The following SYT1 variants were observed in gnomAD, a reference collection of about 807,000 sequenced individuals.
SYT1 encodes synaptotagmin-1.
In SYT1, 8 loss-of-function variants were observed where a neutral mutation model predicts 44.8. The observed-to-expected ratio is 0.18, with a 90% CI of 0.10 to 0.32. The LOEUF (loss-of-function observed/expected upper bound fraction) is 0.32. Among genes scored for constraint, SYT1 ranks in the 10% least tolerant of loss-of-function variants. The pLI, the probability that SYT1 is intolerant of heterozygous loss-of-function variation, is 1.00. For missense variants in SYT1, 286 were observed against 509.3 expected (o/e 0.56, Z 4.22); for synonymous variants, 154 against 188.8 (o/e 0.82, Z 1.51).
At chr12:78,925,761 C>T (rs2137179715) in intron 1 of SYT1, among the ~76,000 whole-genome samples, 1 of 152,012 alleles carries the variant, frequency 6.6e-6, no homozygotes, top group South Asian at 2.1e-4. Flanking sequence ...TTTCTATGTT[C>T]AATTACACAC....
At chr12:79,227,098 G>A (rs1365759980) in intron 4 of SYT1, among the ~76,000 whole-genome samples, 1 of 152,164 alleles carries the variant, frequency 6.6e-6, no homozygotes, top group Non-Finnish European at 1.5e-5. Flanking sequence ...CTTGTAAGAA[G>A]AGGGGTGTCA....
intron 3 of SYT1, among the ~76,000 whole-genome samples, chr12:79,096,631 C>T (rs1472856055): frequency 6.6e-6 from 1 of 151,788 alleles, no homozygotes; most frequent in Non-Finnish European, 1.5e-5. Flanking sequence ...GTGAAATAAG[C>T]AGTATGTTAA....
chr12:79,269,758 C>T (rs1190908281), intron 4 of SYT1, among the ~76,000 whole-genome samples: 5 of 152,024 alleles, frequency 3.3e-5, no homozygotes, highest in Non-Finnish European at 7.4e-5. Flanking sequence ...GAGTCCACAA[C>T]TTTTATCATA....
chr12:79,432,323 A>G (rs1442960055), intron 9 of SYT1, among the ~76,000 whole-genome samples: 1 of 151,622 alleles, frequency 6.6e-6, no homozygotes, highest in Non-Finnish European at 1.5e-5. Flanking sequence ...TTAACTCGTC[A>G]TTTACATTAG....
intron 2 of SYT1, among the ~76,000 whole-genome samples, chr12:79,037,759 T>C (rs565880379): frequency 6.6e-6 from 1 of 151,958 alleles, no homozygotes; most frequent in East Asian, 1.9e-4. Flanking sequence ...CTTCTAGTGG[T>C]TACCTGTAAC....
chr12:79,076,851 C>T lies in SYT1; in HGVS notation c.-18+29489C>T, dbSNP rs117306987. On this transcript the variant is annotated intron_variant, in intron 3 of 10. Coordinates refer to ENST00000261205, the MANE Select transcript of SYT1 (RefSeq NM_005639.3). ...GGGCATGGTGGCACGCATCTATAGT[C>T]CCAGCTATGCGAGAGGCTGAGGCAG... Among the ~76,000 whole-genome samples the T allele has an allele frequency of 9.5e-3, 1,443 of 152,270 alleles. 10 individuals are homozygous for T. Among genetic ancestry groups the T allele is most frequent in the Non-Finnish European group, 0.015 (991 of 68,020 alleles).
chr12:79,216,569 G>A (rs1874818646), intron 3 of SYT1, among the ~76,000 whole-genome samples: 1 of 152,126 alleles, frequency 6.6e-6, no homozygotes, highest in Admixed American at 6.5e-5. Context: ...TATTTCAGAA[G>A]GTGGATAAAT....
intron 2 of SYT1, among the ~76,000 whole-genome samples, chr12:79,026,667 T>TTATTTA (rs1555190336): frequency 8.3e-4 from 85 of 102,260 alleles, no homozygotes; most frequent in African/African-American, 3.0e-3. Flanking sequence ...CATATATATT[T>TTATTTA]TATATATATA....
intron 8 of SYT1, among the ~76,000 whole-genome samples, chr12:79,301,072 C>G (rs1020554698): frequency 6.6e-6 from 1 of 151,344 alleles, no homozygotes; most frequent in Non-Finnish European, 1.5e-5. Flanking sequence ...GTTTCATTGA[C>G]TTTTTTGTTG....
At chr12:79,072,076 C>CAT (rs1417878021) in intron 3 of SYT1, among the ~76,000 whole-genome samples, 8 of 151,906 alleles carry the variant, frequency 5.3e-5, no homozygotes, top group Non-Finnish European at 1.2e-4. Flanking sequence ...TATATATAGG[C>CAT]ATATATATAC....
chr12:78,901,691 G>A (rs1172444490), intron 1 of SYT1, among the ~76,000 whole-genome samples: 1 of 152,090 alleles, frequency 6.6e-6, no homozygotes, highest in Non-Finnish European at 1.5e-5. Context: ...TTGGCAAAAT[G>A]GTGATCATAG....
At chr12:79,195,575 G>C (rs1873403629) in intron 3 of SYT1, among the ~76,000 whole-genome samples, 1 of 150,806 alleles carries the variant, frequency 6.6e-6, no homozygotes, top group Non-Finnish European at 1.5e-5. Flanking sequence ...GAATACCGAA[G>C]TTCAGAAACA....
intron 2 of SYT1, among the ~76,000 whole-genome samples, chr12:79,044,474 C>A (rs1182038359): frequency 6.7e-6 from 1 of 148,962 alleles, no homozygotes; most frequent in Non-Finnish European, 1.5e-5. Flanking sequence ...GTTTTCAGCT[C>A]CATCAGCTCC....
chr12:79,018,757 T>C (rs1871979899), intron 2 of SYT1, among the ~76,000 whole-genome samples: 1 of 152,016 alleles, frequency 6.6e-6, no homozygotes, highest in South Asian at 2.1e-4. Context: ...GCATAAAGAC[T>C]GGGTTCTTTG....
chr12:78,908,401 G>A (rs1194171685), intron 1 of SYT1, among the ~76,000 whole-genome samples: 1 of 151,010 alleles, frequency 6.6e-6, no homozygotes, highest in African/African-American at 2.4e-5. Flanking sequence ...TACTGGTTAT[G>A]TTATTTCTAA....
chr12:79,094,408 A>G, intron 3 of SYT1, among the ~76,000 whole-genome samples: 1 of 151,928 alleles, frequency 6.6e-6, no homozygotes, highest in Non-Finnish European at 1.5e-5. Context: ...ATAAGAACAA[A>G]TTTTTCTTTA....
At chr12:79,309,413 CT>C (rs1250691059) in intron 8 of SYT1, among the ~76,000 whole-genome samples, 1 of 150,140 alleles carries the variant, frequency 6.7e-6, no homozygotes, top group Non-Finnish European at 1.5e-5. Flanking sequence ...CTGATGATCT[CT>C]TTGAGGCCAG....
chr12:79,130,178 T>G (rs181952616), intron 3 of SYT1, among the ~76,000 whole-genome samples: 1 of 152,170 alleles, frequency 6.6e-6, no homozygotes, highest in Admixed American at 6.6e-5. Context: ...AGGAATAAAG[T>G]GTTTTTTCAC....
chr12:79,442,384 T>C (rs1253914350), intron 9 of SYT1, among the ~76,000 whole-genome samples: 1 of 152,210 alleles, frequency 6.6e-6, no homozygotes, highest in Non-Finnish European at 1.5e-5. Flanking sequence ...TTTTTTTAAC[T>C]GACCAACTCT....
Sources: allele counts gnomAD v4.1 joint callset (sites outside exome capture counted in the v4.1 genomes callset), GRCh38; gene constraint gnomAD v4.1.1; transcripts MANE v1.5; gene names NCBI Gene and HGNC (gene_info 2026-07-23, HGNC 2026-07-21).